The following RBFOX3 variants were observed in gnomAD, a reference collection of about 807,000 sequenced individuals.
The protein encoded by RBFOX3 is RNA binding fox-1 homolog 3.
Under a neutral mutation model 48.7 loss-of-function variants are expected in RBFOX3, and 17 were observed. That is an observed-to-expected ratio of 0.35 (90% CI 0.24 to 0.52). The LOEUF is 0.52. Among genes scored for constraint, RBFOX3 ranks in the 20% least tolerant of loss-of-function variants. The pLI, the probability that RBFOX3 is intolerant of heterozygous loss-of-function variation, is 0.94. For missense variants in RBFOX3, 382 were observed against 497.5 expected (o/e 0.77, Z 2.21); for synonymous variants, 212 against 209.5 (o/e 1.01, Z -0.10).
At chr17:79,223,715 A>G (rs1212772729) in intron 4 of RBFOX3, among the ~76,000 whole-genome samples, 1 of 152,158 alleles carries the variant, frequency 6.6e-6, no homozygotes, top group East Asian at 1.9e-4. Flanking sequence ...GGGGTGCAGG[A>G]CACTCCCCCA....
intron 2 of RBFOX3, among the ~76,000 whole-genome samples, chr17:79,445,435 C>T (rs1374399815): frequency 2.0e-5 from 3 of 152,250 alleles, no homozygotes; most frequent in East Asian, 1.9e-4. Context: ...GGAGGAGACT[C>T]GATTCTCTAA....
chr17:79,635,886 GT>G, the RBFOX3 span, among the ~76,000 whole-genome samples: 13 of 152,176 alleles, frequency 8.5e-5, no homozygotes, highest in Admixed American at 6.5e-4. Flanking sequence ...AAGTGTCAAA[GT>G]GGCAAAAATA....
intron 4 of RBFOX3, among the ~76,000 whole-genome samples, chr17:79,226,544 C>T (rs2060330602): frequency 6.6e-6 from 1 of 152,224 alleles, no homozygotes; most frequent in Admixed American, 6.5e-5. Flanking sequence ...TGACTGCACC[C>T]AGTGTGTCCT....
intron 1 of RBFOX3, among the ~76,000 whole-genome samples, chr17:79,536,632 GGCCACAGGGCATGCTTGCCCC>G (rs2088808828): frequency 6.8e-6 from 1 of 147,948 alleles, no homozygotes; most frequent in African/African-American, 2.5e-5. Context: ...TGAAGGAGCC[GGCCACAGGGCATGCTTGCCCC>G]GCCCCAGCGT....
rs2078056494 is a variant in RBFOX3 at position 79,477,455 on chromosome 17, C to T, written c.-175+4999G>A. Reference sequence around the variant, plus strand: ...CCTGTAGTCCCAGCTACTTGGGAGGCTGAGGCAGGAGAATGGCGTGAACCC... The same window carrying T: ...CCTGTAGTCCCAGCTACTTGGGAGGTTGAGGCAGGAGAATGGCGTGAACCC... On this transcript the variant is annotated intron_variant, in intron 2 of 14. Transcript: ENST00000693108. This position sits in a 1 kb window ranked among gnomAD's most constrained non-coding sequence, Gnocchi z 4.8. 6.6e-6 allele frequency among the ~76,000 whole-genome samples: 1 copy of T among 151,704 alleles called. No individual in the cohort carries two copies.
intron 4 of RBFOX3, among the ~76,000 whole-genome samples, chr17:79,202,453 T>A (rs2056904048): frequency 6.6e-6 from 1 of 152,198 alleles, no homozygotes; most frequent in African/African-American, 2.4e-5. Context: ...CTAGGGGTGC[T>A]GGGAGCAATC....
chr17:79,461,872 C>A (rs1598796340), intron 2 of RBFOX3, among the ~76,000 whole-genome samples: 2 of 152,078 alleles, frequency 1.3e-5, no homozygotes, highest in Admixed American at 1.3e-4. Context: ...CTGAGGAACG[C>A]CATGGGTGGC....
chr17:79,209,853 C>T (rs1018772278), intron 4 of RBFOX3, among the ~76,000 whole-genome samples: 4 of 152,098 alleles, frequency 2.6e-5, no homozygotes, highest in African/African-American at 4.8e-5. Context: ...AAAAATTAGC[C>T]GGGCGTGGTG....
intron 2 of RBFOX3, among the ~76,000 whole-genome samples, chr17:79,326,709 G>A (rs964531812): frequency 4.6e-5 from 7 of 152,118 alleles, no homozygotes; most frequent in African/African-American, 1.7e-4. Context: ...CATTACTCCC[G>A]ACATGTCTCC....
At chr17:79,255,039 C>T (rs2064549601) in intron 3 of RBFOX3, among the ~76,000 whole-genome samples, 1 of 152,116 alleles carries the variant, frequency 6.6e-6, no homozygotes, top group Non-Finnish European at 1.5e-5. Flanking sequence ...TGCTGGCTTC[C>T]TGCCCCCAGG....
chr17:79,658,940 AAC>A, the RBFOX3 span, among the ~76,000 whole-genome samples: 21 of 152,204 alleles, frequency 1.4e-4, no homozygotes, highest in Non-Finnish European at 2.6e-4. Flanking sequence ...TGCAGTAGAA[AAC>A]ACACTCACAT....
chr17:79,622,423 C>T, the RBFOX3 span, among the ~76,000 whole-genome samples: 2 of 152,142 alleles, frequency 1.3e-5, no homozygotes, highest in South Asian at 2.1e-4. Context: ...GGTGGCCTCT[C>T]CCTCTCACAG....
rs1365812847 is a variant in RBFOX3 at position 79,243,677 on chromosome 17, C to T, written c.-73-7872G>A. On this transcript the variant is annotated intron_variant, in intron 3 of 14. Coordinates refer to ENST00000693108, the MANE Select transcript of RBFOX3 (RefSeq NM_001350451.2). This position sits in a 1 kb window ranked among gnomAD's most constrained non-coding sequence, Gnocchi z 7.9. ...ACTGAACTGAACTCACTGGCCCACC[C>T]CTGAGCACCCTTGACAACACCCAAG... Among the ~76,000 whole-genome samples the T allele has an allele frequency of 6.6e-6, 1 of 152,070 alleles. No homozygotes were observed. The highest frequency in any genetic ancestry group is 1.5e-5 in the Non-Finnish European group (1 of 68,024).
At chr17:79,386,261 C>CG (rs1305753561) in intron 2 of RBFOX3, among the ~76,000 whole-genome samples, 1 of 149,280 alleles carries the variant, frequency 6.7e-6, no homozygotes, top group Non-Finnish European at 1.5e-5. Context: ...CCACACCAGA[C>CG]GGGGGCTCCA....
chr17:79,185,430 C>A (rs2053204262), intron 4 of RBFOX3, among the ~76,000 whole-genome samples: 4 of 152,212 alleles, frequency 2.6e-5, no homozygotes, highest in Admixed American at 2.6e-4. Context: ...TAGCATTTGC[C>A]ACCTGAGCCT....
intron 1 of RBFOX3, among the ~76,000 whole-genome samples, chr17:79,588,475 G>A (rs961451720): frequency 0.99 from 150,708 of 152,242 alleles, 74,602 homozygotes; most frequent in Non-Finnish European, 0.99. Flanking sequence ...AAAATAAATA[G>A]TAGTTGACCA....
the RBFOX3 span, among the ~76,000 whole-genome samples, chr17:79,637,656 T>C: frequency 6.7e-6 from 1 of 150,202 alleles, no homozygotes; most frequent in Non-Finnish European, 1.5e-5. Context: ...GATCACACCA[T>C]TGAACTCCAG....
chr17:79,646,053 C>T, the RBFOX3 span, among the ~76,000 whole-genome samples: 345 of 152,304 alleles, frequency 2.3e-3, no homozygotes, highest in African/African-American at 8.2e-3. Flanking sequence ...TGGCCTCTCC[C>T]CCTCCACCCT....
At chr17:79,349,728 G>A (rs190079757) in intron 2 of RBFOX3, among the ~76,000 whole-genome samples, 71 of 152,174 alleles carry the variant, frequency 4.7e-4, no homozygotes, top group African/African-American at 1.6e-3. Context: ...TACCGTCACA[G>A]CTCAACAAAG....
Sources: allele counts gnomAD v4.1 joint callset (sites outside exome capture counted in the v4.1 genomes callset), GRCh38; gene constraint gnomAD v4.1.1; non-coding constraint Gnocchi (gnomAD v3.1); transcripts MANE v1.5; gene names NCBI Gene and HGNC (gene_info 2026-07-23, HGNC 2026-07-21).